The following ZNF862 variants were observed in gnomAD, a reference collection of about 807,000 sequenced individuals.
ZNF862 encodes zinc finger protein 862.
In ZNF862, 64 loss-of-function variants were observed where a neutral mutation model predicts 91.1. The ratio of observed to expected loss-of-function variants is 0.70; its 90% CI spans 0.57 to 0.87. ZNF862 has a LOEUF of 0.87. Ranked by LOEUF, ZNF862 falls within the 40% of genes least tolerant of loss-of-function variation. The pLI, the probability that ZNF862 is intolerant of heterozygous loss-of-function variation, is 0.00. For missense variants in ZNF862, 1,459 were observed against 1,528.0 expected (o/e 0.95, Z 0.75); for synonymous variants, 631 against 618.1 (o/e 1.02, Z -0.31).
chr7:149,839,700 C>T (rs1801633944), intron 1 of ZNF862, among the ~76,000 whole-genome samples: 1 of 152,186 alleles, frequency 6.6e-6, no homozygotes, highest in African/African-American at 2.4e-5. Context: ...ATGAGCATCT[C>T]TTCCATCCTC....
In ZNF862 at chr7:149,859,527, G is replaced by A. The variant is rs1324043634; in HGVS notation, c.1222+1G>A. 6.4e-7 allele frequency: 1 copy of A among 1,564,724 alleles called. No individual in the cohort carries two copies. The highest frequency in any genetic ancestry group is 1.9e-5 in the Admixed American group (1 of 52,800). ...AAGTGGGGGAAAGGTCGTCCTCCAG[G>A]TGAGTGTAAACCTACAGCATTCTGA... On this transcript the variant is annotated splice_donor_variant, in intron 6 of 7. Coordinates refer to ENST00000223210, the MANE Select transcript of ZNF862 (RefSeq NM_001099220.3). LOFTEE classifies it high-confidence loss of function.
At chr7:149,842,646 T>A (rs1801745517) in intron 1 of ZNF862, among the ~76,000 whole-genome samples, 1 of 152,246 alleles carries the variant, frequency 6.6e-6, no homozygotes, top group African/African-American at 2.4e-5. Context: ...TCCTTGGCCC[T>A]TATGCTCACC....
In ZNF862 at chr7:149,855,766, C is replaced by T. The variant is rs1802238035; in HGVS notation, c.1118-3656C>T. On this transcript the variant is annotated intron_variant, in intron 5 of 7. Coordinates refer to ENST00000223210, the MANE Select transcript of ZNF862 (RefSeq NM_001099220.3). This position sits in a 1 kb window ranked among gnomAD's most constrained non-coding sequence, Gnocchi z 4.1. Reference sequence around the variant, plus strand: ...CCCCACAGACAACGCCAGGCCTCTTCTCATTCCCCATGTGGCCCACATCTG... The same window carrying T: ...CCCCACAGACAACGCCAGGCCTCTTTTCATTCCCCATGTGGCCCACATCTG... Among the ~76,000 whole-genome samples the T allele has an allele frequency of 1.3e-5, 2 of 152,322 alleles. No homozygotes were observed. The highest frequency in any genetic ancestry group is 4.1e-4 in the South Asian group (2 of 4,828).
At chr7:149,839,324 A>G (rs372598443) in intron 1 of ZNF862, among the ~76,000 whole-genome samples, 5 of 152,326 alleles carry the variant, frequency 3.3e-5, no homozygotes, top group African/African-American at 1.2e-4. Flanking sequence ...GCCTCTTGGG[A>G]CTAACATCTT....
Position 149,850,176 on chromosome 7 carries a change from G to C in ZNF862, c.955G>C (p.Gly319Arg). 6.4e-7 allele frequency: 1 copy of C among 1,571,956 alleles called. No homozygotes were observed. The highest frequency in any genetic ancestry group is 8.6e-7 in the Non-Finnish European group (1 of 1,159,018). ...TTTGTTCCAGGACCCTTCTGCAGAG[G>C]GGCTGTCGGAGGAGGTTCCTGTGGT... ...ESCIQDPSAE[G>R]LSEEVPVVFE... Residue 319 changes from glycine (G) to arginine (R), a missense_variant, in exon 5 of 8, where the codon GGG (glycine) becomes CGG (arginine). Transcript: ENST00000223210. The surrounding 1 kb of genome is among the most constrained non-coding windows in gnomAD (Gnocchi z 4.2).
chr7:149,841,887 T>C (rs1801718633), intron 1 of ZNF862, among the ~76,000 whole-genome samples: 1 of 152,186 alleles, frequency 6.6e-6, no homozygotes, highest in Non-Finnish European at 1.5e-5. Flanking sequence ...TTACCATGCA[T>C]CAAGCACATA....
In ZNF862 at chr7:149,861,015, CG is replaced by C; in HGVS notation, c.1857del (p.Asn620ThrfsTer5). 6.2e-7 allele frequency: 1 copy of C among 1,612,988 alleles called. No individual in the cohort carries two copies. Among genetic ancestry groups the C allele is most frequent in the South Asian group, 1.1e-5 (1 of 90,964 alleles). On this transcript the variant is annotated frameshift_variant, in exon 7 of 8. Coordinates refer to ENST00000223210, the MANE Select transcript of ZNF862 (RefSeq NM_001099220.3). LOFTEE classifies it high-confidence loss of function. The surrounding 1 kb of genome is among the most constrained non-coding windows in gnomAD (Gnocchi z 6.7). ...TLKREILEDV[R>X]NSPCVSVLLD... ...GAAGAGGGAGATCCTGGAGGACGTG[CG>C]GAACTCGCCCTGTGTGAGCGTGCTG... is the stretch of plus-strand genomic sequence containing the variant.
chr7:149,861,933 G>A lies in ZNF862; in HGVS notation c.2773G>A (p.Val925Ile), dbSNP rs1802522253. Residue 925 changes from valine to isoleucine, a missense_variant, in exon 7 of 8, where the codon GTC becomes ATC. By Grantham distance (29) the Val-to-Ile change is conservative. Transcript: ENST00000223210. The surrounding 1 kb of genome is among the most constrained non-coding windows in gnomAD (Gnocchi z 6.7). ...QRFQADRERTVLTGIEYLQQR... is the reference protein window; with the variant it reads ...QRFQADRERTILTGIEYLQQR... ...GTTCCAGGCGGATAGGGAGAGGACA[G>A]TCCTGACGGGGATTGAGTACCTCCA... is the stretch of plus-strand genomic sequence containing the variant. 1.2e-6 allele frequency: 2 copies of A among 1,613,724 alleles called. No individual in the cohort carries two copies. The highest frequency in any genetic ancestry group is 1.1e-5 in the South Asian group (1 of 91,088).
At position 149,855,359 on chromosome 7, in the gene ZNF862, A is replaced by T. The variant is rs1482551120; in HGVS notation, c.1118-4063A>T. On this transcript the variant is annotated intron_variant, in intron 5 of 7. Coordinates refer to ENST00000223210, the MANE Select transcript of ZNF862 (RefSeq NM_001099220.3). The surrounding 1 kb of genome is among the most constrained non-coding windows in gnomAD (Gnocchi z 4.1). Reference sequence around the variant, plus strand: ...AAAATCTGGACTTCATTTAACACTCAATTCTTGCCTTTCCCTCCTCAACCT... The same window carrying T: ...AAAATCTGGACTTCATTTAACACTCTATTCTTGCCTTTCCCTCCTCAACCT... Among the ~76,000 whole-genome samples the T allele has an allele frequency of 6.6e-6, 1 of 152,100 alleles. No individual in the cohort carries two copies. The highest frequency in any genetic ancestry group is 1.9e-4 in the East Asian group (1 of 5,182).
chr7:149,841,137 T>C, intron 1 of ZNF862: 1 of 985,430 alleles, frequency 1.0e-6, no homozygotes, highest in Non-Finnish European at 1.2e-6. Context: ...CAACTGTCAG[T>C]GTAAGATGTG....
chr7:149,840,152 T>A (rs1162061532), intron 1 of ZNF862, among the ~76,000 whole-genome samples: 1 of 139,260 alleles, frequency 7.2e-6, no homozygotes, highest in Non-Finnish European at 1.5e-5. Context: ...CTAATGTGTG[T>A]GTTTGTGTCT....
Position 149,844,610 on chromosome 7 carries a change from T to TAC in ZNF862, c.25-15_25-14insAC. 6.4e-7 allele frequency: 1 copy of TAC among 1,560,928 alleles called. No homozygotes were observed. The highest frequency in any genetic ancestry group is 2.3e-5 in the East Asian group (1 of 43,230). ...GGAAGAGAGTGGTACTTAGCAGCTGTCATTTTCCTTTCAGGCTCCTGTGAC... is the reference window on the plus strand; with the variant it reads ...GGAAGAGAGTGGTACTTAGCAGCTGTACCATTTTCCTTTCAGGCTCCTGTGAC... On this transcript the variant is annotated splice_polypyrimidine_tract_variant and intron_variant, in intron 1 of 7. Transcript: ENST00000223210.
chr7:149,847,805 C>G lies in ZNF862; in HGVS notation c.312C>G (p.Leu104=), dbSNP rs1445494715. The G allele has an allele frequency of 6.2e-7, 1 of 1,613,836 alleles. No homozygotes were observed. The change falls in exon 4 of 8, where the codon CTC becomes CTG. Residue 104 remains leucine (L), a synonymous_variant. Coordinates refer to ENST00000223210, the MANE Select transcript of ZNF862 (RefSeq NM_001099220.3). ...QGPTRESGQS[L]PPQKKAYLSH... ...CCACCAGGGAGAGTGGACAGTCCCT[C>G]CCGCCTCAGAAGAAAGCCTACCTTT...
intron 3 of ZNF862, 133 bp downstream of exon 3, chr7:149,846,388 A>T (rs1801873802): frequency 1.5e-6 from 1 of 660,388 alleles, no homozygotes; most frequent in Non-Finnish European, 2.7e-6. Flanking sequence ...CCCAGGTGCC[A>T]TCTGATTAAT....
Position 149,850,547 on chromosome 7 carries a change from C to T in ZNF862, c.1117+209C>T, listed in dbSNP as rs887847844. 2.9e-5 allele frequency: 16 copies of T among 551,718 alleles called. No individual in the cohort carries two copies. In the African/African-American group the frequency reaches 3.0e-4, roughly 10 times the overall value. The allele number at this position is 551,718 out of a possible 1,614,324, so 34.2% of individuals were successfully genotyped here. On this transcript the variant is annotated intron_variant, in intron 5 of 7. Coordinates refer to ENST00000223210, the MANE Select transcript of ZNF862 (RefSeq NM_001099220.3). This position sits in a 1 kb window ranked among gnomAD's most constrained non-coding sequence, Gnocchi z 4.2. ...TCCACCCACCTGTTCATCCATTCGT[C>T]CCCCACCAAACATTTTGGAGTACCT... is the stretch of plus-strand genomic sequence containing the variant.
chr7:149,861,843 G>C lies in ZNF862; in HGVS notation c.2683G>C (p.Ala895Pro). The change falls in exon 7 of 8, where the codon GCC becomes CCC. Residue 895 changes from alanine to proline, a missense_variant. Transcript: ENST00000223210. This position sits in a 1 kb window ranked among gnomAD's most constrained non-coding sequence, Gnocchi z 6.7. ...AGGGCCCAAAGAGGAAGAATTCAAC[G>C]CCAGCTTCAAGGATGGGCGGCTCCA... is the stretch of plus-strand genomic sequence containing the variant. ...QAGPKEEEFN[A>P]SFKDGRLHGI... 6.2e-7 allele frequency: 1 copy of C among 1,613,614 alleles called. No homozygotes were observed. Among genetic ancestry groups the C allele is most frequent in the Non-Finnish European group, 8.5e-7 (1 of 1,179,890 alleles).
chr7:149,846,245 G>A lies in ZNF862; in HGVS notation c.231G>A (p.Glu77=), dbSNP rs769135163. The A allele has an allele frequency of 6.2e-6, 10 of 1,613,000 alleles. No homozygotes were observed. The highest frequency in any genetic ancestry group is 8.5e-6 in the Non-Finnish European group (10 of 1,179,330). ...TCCAGGGCCAGAGGAGCCTTCTGGA[G>A]CATCACCCAGGTGAGTGTGGAACTG... is the stretch of plus-strand genomic sequence containing the variant. ...GSVQGQRSLL[E]HHPGKKQMGY... The change falls in exon 3 of 8, where the codon GAG becomes GAA. Residue 77 remains glutamate, a synonymous_variant. Coordinates refer to ENST00000223210, the MANE Select transcript of ZNF862 (RefSeq NM_001099220.3).
At position 149,860,413 on chromosome 7, in the gene ZNF862, C is replaced by T. The variant is rs375651537; in HGVS notation, c.1253C>T (p.Ala418Val). Reference sequence around the variant, plus strand: ...AAGAAGATGGTGGCAGTGAGAGAGGCAGACACACAGGCCTCGGCTGCAGAC... The same window carrying T: ...AAGAAGATGGTGGCAGTGAGAGAGGTAGACACACAGGCCTCGGCTGCAGAC... ...GNKKMVAVREADTQASAADSA... is the reference protein window; with the variant it reads ...GNKKMVAVREVDTQASAADSA... The change falls in exon 7 of 8, where the codon GCA becomes GTA. Residue 418 changes from alanine to valine, a missense_variant. Physicochemically the swap from Ala to Val is moderately conservative, Grantham distance 64. Coordinates refer to ENST00000223210, the MANE Select transcript of ZNF862 (RefSeq NM_001099220.3). The T allele has an allele frequency of 1.6e-5, 25 of 1,612,398 alleles. No individual in the cohort carries two copies. The African/African-American group carries it at 3.3e-4, about 22-fold the overall frequency.
rs546974111 is a variant in ZNF862 at position 149,863,627 on chromosome 7, G to A, written c.3335-482G>A. 3.5e-4 allele frequency among the ~76,000 whole-genome samples: 53 copies of A among 152,342 alleles called. No homozygotes were observed. In the South Asian group the frequency reaches 9.5e-3, roughly 27 times the overall value. Reference sequence around the variant, plus strand: ...AATGATGTCAGGTGTGCCCTGATGCGAGTTACTCTTTCCACAGGGACAACA... The same window carrying A: ...AATGATGTCAGGTGTGCCCTGATGCAAGTTACTCTTTCCACAGGGACAACA... On this transcript the variant is annotated intron_variant, in intron 7 of 7. Transcript: ENST00000223210.
Sources: gnomAD v4.1 joint callset for allele counts (sites outside exome capture counted in the v4.1 genomes callset) on GRCh38, gnomAD v4.1.1 for gene constraint, Gnocchi (gnomAD v3.1) non-coding constraint, MANE v1.5 for transcripts, NCBI Gene and HGNC (gene_info 2026-07-23, HGNC 2026-07-21) for gene names.